Variants in SNAP29 observed in about 807,000 individuals in gnomAD.
The protein encoded by SNAP29 is synaptosomal-associated protein 29.
A neutral mutation model predicts 27.9 loss-of-function variants in SNAP29; 13 were observed. That is an observed-to-expected ratio of 0.47 (90% CI 0.30 to 0.74). SNAP29 has a LOEUF of 0.74. Ranked by LOEUF, SNAP29 falls within the 30% of genes least tolerant of loss-of-function variation. SNAP29 has a pLI of 0.06. For missense variants in SNAP29, 368 were observed against 336.5 expected, an observed-to-expected ratio of 1.09 and a Z score of -0.73; for synonymous variants, 119 against 127.1, an observed-to-expected ratio of 0.94 and a Z score of 0.43.
intron 1 of SNAP29, among the ~76,000 whole-genome samples, chr22:20,861,325 G>A (rs1014613311): frequency 1.3e-5 from 2 of 151,734 alleles, no homozygotes; most frequent in African/African-American, 4.9e-5. Flanking sequence ...TGTTGGCCAG[G>A]ATGGTCTCGA....
chr22:20,879,999 A>G (rs146428310), intron 2 of SNAP29, among the ~76,000 whole-genome samples: 1 of 141,258 alleles, frequency 7.1e-6, no homozygotes, highest in Admixed American at 7.3e-5. Flanking sequence ...GGTGACAGAG[A>G]GAGACCCTAT....
At chr22:20,865,513 C>T (rs893291862) in intron 1 of SNAP29, among the ~76,000 whole-genome samples, 1 of 152,158 alleles carries the variant, frequency 6.6e-6, no homozygotes, top group Non-Finnish European at 1.5e-5. Context: ...AGGAACCTTG[C>T]TTTGCTGACC....
intron 2 of SNAP29, among the ~76,000 whole-genome samples, chr22:20,874,015 C>T (rs981687539): frequency 6.7e-6 from 1 of 149,022 alleles, no homozygotes; most frequent in Non-Finnish European, 1.5e-5. Flanking sequence ...GTGAGTCACG[C>T]CTGTAATCCC....
intron 2 of SNAP29, among the ~76,000 whole-genome samples, chr22:20,877,447 T>C (rs1397629981): frequency 2.0e-5 from 3 of 152,098 alleles, no homozygotes; most frequent in African/African-American, 4.8e-5. Context: ...TCTCAGCTAC[T>C]TGGGAGGCTG....
chr22:20,889,080 TA>T lies in SNAP29; in HGVS notation c.*1251del, dbSNP rs1211935240. On this transcript the variant is annotated 3_prime_UTR_variant, in exon 5 of 5. Coordinates refer to ENST00000215730, the MANE Select transcript of SNAP29 (RefSeq NM_004782.4). ...TGGAGCCACAAGGCCCTTGTCTTTT[TA>T]AAAAAACAAAATATTTTGAAGATGG... 6.6e-6 allele frequency: 1 copy of T among 152,166 alleles called. No homozygotes were observed. Among genetic ancestry groups the T allele is most frequent in the African/African-American group, 2.4e-5 (1 of 41,444 alleles). The allele number at this position is 152,166 out of a possible 1,614,324, so 9.4% of individuals were successfully genotyped here. A position where few individuals can be genotyped will look rare whatever the true frequency, so the allele number is the denominator to read the frequency against.
intron 1 of SNAP29, chr22:20,859,555 A>G: frequency 1.7e-6 from 1 of 593,528 alleles, no homozygotes; most frequent in Non-Finnish European, 3.0e-6. Context: ...TACCCCAGAA[A>G]TCTTCCTTAG....
chr22:20,872,127 G>A (rs1388442628), intron 2 of SNAP29, among the ~76,000 whole-genome samples: 2 of 151,922 alleles, frequency 1.3e-5, no homozygotes, highest in Non-Finnish European at 2.9e-5. Context: ...GTATTCTTTT[G>A]GTTTGATAGC....
At chr22:20,859,409 A>G in intron 1 of SNAP29, 62 bp downstream of exon 1, 1 of 1,201,704 alleles carries the variant, frequency 8.3e-7, no homozygotes, top group Non-Finnish European at 1.2e-6. Context: ...CGGAGACGAG[A>G]AATGTTTTGC....
rs1928126843 is a variant in SNAP29 at position 20,859,186 on chromosome 22, A to G, written c.76A>G (p.Arg26Gly). The G allele has an allele frequency of 2.5e-6, 4 of 1,603,534 alleles. No homozygotes were observed. Among genetic ancestry groups the G allele is most frequent in the Non-Finnish European group, 3.4e-6 (4 of 1,176,478 alleles). Reference sequence around the variant, plus strand: ...CGAAGGCGCCCGGCCGGCCCCTTGGAGGGACGCCCGAGACCTCCCCGACGG... The same window carrying G: ...CGAAGGCGCCCGGCCGGCCCCTTGGGGGGACGCCCGAGACCTCCCCGACGG... ...EDEGARPAPW[R>G]DARDLPDGPD... Residue 26 changes from arginine to glycine, a missense_variant, in exon 1 of 5, where the codon AGG becomes GGG. Coordinates refer to ENST00000215730, the MANE Select transcript of SNAP29 (RefSeq NM_004782.4).
At chr22:20,878,628 G>C (rs114651511) in intron 2 of SNAP29, among the ~76,000 whole-genome samples, 135 of 152,244 alleles carry the variant, frequency 8.9e-4, no homozygotes, top group African/African-American at 2.8e-3. Context: ...GGCTACTTAG[G>C]GGGTGGGAGA....
At chr22:20,880,506 A>C (rs1030139788) in intron 2 of SNAP29, among the ~76,000 whole-genome samples, 2 of 139,276 alleles carry the variant, frequency 1.4e-5, no homozygotes, top group Non-Finnish European at 3.1e-5. Flanking sequence ...ACTCCATCTC[A>C]AAAAAAAAAA....
At position 20,859,172 on chromosome 22, in the gene SNAP29, G is replaced by T; in HGVS notation, c.62G>T (p.Arg21Leu). ...GACGACGGGGAGGACGAAGGCGCCC[G>T]GCCGGCCCCTTGGAGGGACGCCCGA... is the stretch of plus-strand genomic sequence containing the variant. ...FDDDGEDEGA[R>L]PAPWRDARDL... The change falls in exon 1 of 5, where the codon CGG becomes CTG. Residue 21 changes from arginine to leucine, a missense_variant. Coordinates refer to ENST00000215730, the MANE Select transcript of SNAP29 (RefSeq NM_004782.4). 6.2e-7 allele frequency: 1 copy of T among 1,605,206 alleles called. No homozygotes were observed. The highest frequency in any genetic ancestry group is 8.5e-7 in the Non-Finnish European group (1 of 1,177,210).
At chr22:20,865,683 G>A (rs1366260560) in intron 1 of SNAP29, among the ~76,000 whole-genome samples, 1 of 152,190 alleles carries the variant, frequency 6.6e-6, no homozygotes, top group Non-Finnish European at 1.5e-5. Flanking sequence ...ACTGTTACAC[G>A]TATGGTGATG....
rs376809644 is a variant in SNAP29, at chr22:20,859,035, G to A, written c.-76G>A. On this transcript the variant is annotated 5_prime_UTR_variant, in exon 1 of 5. Transcript: ENST00000215730. ...CGCGCGACGACCGCGGGGTCGGCGGGCGGGGCGAGGCCCTGGACGGCGGCG... is the reference window on the plus strand; with the variant it reads ...CGCGCGACGACCGCGGGGTCGGCGGACGGGGCGAGGCCCTGGACGGCGGCG... 2,483 of 1,397,654 alleles carry A rather than the reference G, an allele frequency of 1.8e-3. 4 individuals are homozygous for A. Among genetic ancestry groups the A allele is most frequent in the Middle Eastern group, 2.3e-3 (12 of 5,138 alleles). The allele number at this position is 1,397,654 out of a possible 1,614,324, so 86.6% of individuals were successfully genotyped here.
At chr22:20,873,659 C>G (rs984535062) in intron 2 of SNAP29, among the ~76,000 whole-genome samples, 1 of 151,590 alleles carries the variant, frequency 6.6e-6, no homozygotes, top group Non-Finnish European at 1.5e-5. Flanking sequence ...GACAAAACCC[C>G]GTCTCTACAG....
At chr22:20,863,625 A>C (rs1286904280) in intron 1 of SNAP29, among the ~76,000 whole-genome samples, 2 of 152,128 alleles carry the variant, frequency 1.3e-5, no homozygotes, top group African/African-American at 4.8e-5. Flanking sequence ...GGAGACTTGT[A>C]AGCCACTCGT....
intron 2 of SNAP29, among the ~76,000 whole-genome samples, chr22:20,873,963 T>A: frequency 3.7e-5 from 1 of 27,232 alleles, no homozygotes; most frequent in Non-Finnish European, 6.6e-5. Flanking sequence ...AGACTCTGTC[T>A]CAAAAAAAAA....
intron 1 of SNAP29, chr22:20,859,779 C>T: frequency 4.6e-6 from 1 of 219,020 alleles, no homozygotes; most frequent in Non-Finnish European, 9.3e-6. Flanking sequence ...GGACTATGTG[C>T]CTGCGAGTGT....
At position 20,878,758 on chromosome 22, in the gene SNAP29, A is replaced by G. The variant is rs1383717215; in HGVS notation, c.435-2291A>G. ...GCGAAGTGGTCAGGCTGCTGTTGAG[A>G]TAGAGGAGAGCAGGCTGTTGGGGAG... is the stretch of plus-strand genomic sequence containing the variant. On this transcript the variant is annotated intron_variant, in intron 2 of 4. Transcript: ENST00000215730. Among the ~76,000 whole-genome samples, 3 of 152,076 alleles carry G rather than the reference A, an allele frequency of 2.0e-5. No individual in the cohort carries two copies. In the East Asian group the frequency reaches 5.8e-4, roughly 29 times the overall value.
Sources: gnomAD v4.1 joint callset for allele counts (sites outside exome capture counted in the v4.1 genomes callset) on GRCh38, gnomAD v4.1.1 for gene constraint, MANE v1.5 for transcripts, NCBI Gene and HGNC (gene_info 2026-07-23, HGNC 2026-07-21) for gene names.